The following MYOM2 variants were observed in gnomAD, a reference collection of about 807,000 sequenced individuals.
MYOM2 encodes the protein myomesin-2.
A neutral mutation model predicts 187.6 loss-of-function variants in MYOM2; 254 were observed. The ratio of observed to expected loss-of-function variants is 1.35; its 90% CI spans 1.22 to 1.50. MYOM2 has a LOEUF of 1.50. MYOM2 is among the 40% of genes most tolerant of loss of function. The probability of loss-of-function intolerance (pLI) is 0.00; values close to 1 mark genes in which losing one functional copy is unlikely to be tolerated. For synonymous variants in MYOM2, 981 were observed against 753.8 expected, an observed-to-expected ratio of 1.30 and a Z score of -4.94; for missense variants, 2,796 against 1,924.0, an observed-to-expected ratio of 1.45 and a Z score of -8.48.
chr8:2,066,463 T>C (rs1326371428), intron 6 of MYOM2, among the ~76,000 whole-genome samples: 4 of 152,198 alleles, frequency 2.6e-5, no homozygotes, highest in Non-Finnish European at 5.9e-5. Context: ...GTGGGATCGT[T>C]GTAGAGGAAG....
At chr8:2,141,329 T>C (rs1798266978) in intron 34 of MYOM2, 152 bp downstream of exon 34, 4 of 594,976 alleles carry the variant, frequency 6.7e-6, no homozygotes, top group Non-Finnish European at 8.9e-6. Context: ...ATGCAGTATA[T>C]GGAGGGGTGG....
rs1020733998 is a variant in MYOM2 at position 2,116,419 on chromosome 8, C to T, written c.3385+144C>T. ...ATTAAGAGGTTAGGCTTACCAACTG[C>T]ATAGGAAAGGAACCTGCTTTATAGC... On this transcript the variant is annotated intron_variant, in intron 27 of 36. Coordinates refer to ENST00000262113, the MANE Select transcript of MYOM2 (RefSeq NM_003970.4). 15 of 736,330 alleles carry T rather than the reference C, an allele frequency of 2.0e-5. No individual in the cohort carries two copies. In the East Asian group the frequency reaches 4.3e-4, roughly 21 times the overall value. The allele number at this position is 736,330 out of a possible 1,614,324, so 45.6% of individuals were successfully genotyped here. A position where few individuals can be genotyped will look rare whatever the true frequency, so the allele number is the denominator to read the frequency against.
At chr8:2,134,419 T>A (rs7826091) in intron 32 of MYOM2, among the ~76,000 whole-genome samples, 6,732 of 152,288 alleles carry the variant, frequency 0.044, 523 homozygotes, top group African/African-American at 0.15. Flanking sequence ...GTTAAGGCAA[T>A]GTCTGCCCCG....
chr8:2,114,659 G>A (rs1051247075), intron 25 of MYOM2, among the ~76,000 whole-genome samples: 1 of 152,100 alleles, frequency 6.6e-6, no homozygotes, highest in Non-Finnish European at 1.5e-5. Flanking sequence ...TAGTAGAGTT[G>A]GAGTTTCACC....
intron 1 of MYOM2, among the ~76,000 whole-genome samples, chr8:2,048,623 G>A (rs1037974555): frequency 2.5e-4 from 38 of 152,154 alleles, no homozygotes; most frequent in Admixed American, 2.1e-3. Context: ...GGAGCTAGAA[G>A]CTACCCCAGG....
rs752271514 is a variant in MYOM2, at chr8:2,078,812, T to C, written c.1341T>C (p.Leu447=). ...VKICKYPVTG[L]FEGRSYIFRV... ...TCTGCAAATACCCGGTCACAGGGCT[T>C]TTTGAAGGAAGGTCTTACATATTCC... is the stretch of plus-strand genomic sequence containing the variant. Residue 447 remains leucine, a synonymous_variant, in exon 12 of 37, where the codon CTT becomes CTC. Coordinates refer to ENST00000262113, the MANE Select transcript of MYOM2 (RefSeq NM_003970.4). 3 of 1,614,130 alleles carry C rather than the reference T, an allele frequency of 1.9e-6. No individual in the cohort carries two copies. Among genetic ancestry groups the C allele is most frequent in the Non-Finnish European group, 1.7e-6 (2 of 1,180,024 alleles).
chr8:2,085,438 CCCACTGTCATGATCTCTGCGTGGCCCA>C (rs1819787522), intron 14 of MYOM2, 48 bp downstream of exon 14: 3 of 1,597,870 alleles, frequency 1.9e-6, no homozygotes, highest in South Asian at 2.3e-5. Context: ...TGCATGGCCC[CCCACTGTCATGATCTCTGCGTGGCCCA>C]CCGCTGTCGT....
At chr8:2,047,246 G>T (rs1166843228) in intron 1 of MYOM2, among the ~76,000 whole-genome samples, 1 of 152,156 alleles carries the variant, frequency 6.6e-6, no homozygotes, top group African/African-American at 2.4e-5. Context: ...GAGTCAGTGG[G>T]GATTTGCTTG....
intron 3 of MYOM2, among the ~76,000 whole-genome samples, chr8:2,054,377 A>G (rs765320626): frequency 1.2e-4 from 19 of 152,202 alleles, no homozygotes; most frequent in Non-Finnish European, 8.8e-5. Flanking sequence ...TCCCTCTGAC[A>G]TCTTCCTTCA....
rs1361799037 is a variant in MYOM2, at chr8:2,144,991, C to A, written c.*10C>A. 5 of 1,612,156 alleles carry A rather than the reference C, an allele frequency of 3.1e-6. No homozygotes were observed. Among genetic ancestry groups the A allele is most frequent in the Non-Finnish European group, 4.2e-6 (5 of 1,179,508 alleles). ...AGCGGCAGGCCAGTGAAGGCGTTTT[C>A]CTAGCCTGGAGATGGGAAAATATGC... is the stretch of plus-strand genomic sequence containing the variant. On this transcript the variant is annotated 3_prime_UTR_variant, in exon 37 of 37. Transcript: ENST00000262113.
In MYOM2 at chr8:2,123,611, A is replaced by G. The variant is rs1338614667; in HGVS notation, c.3624A>G (p.Gln1208=). 1.9e-6 allele frequency: 3 copies of G among 1,614,118 alleles called. No individual in the cohort carries two copies. Among genetic ancestry groups the G allele is most frequent in the Non-Finnish European group, 2.5e-6 (3 of 1,180,042 alleles). The change falls in exon 30 of 37, where the codon CAA becomes CAG. Residue 1208 remains glutamine (Q), a synonymous_variant. Transcript: ENST00000262113. ...YKATLKDDRG[Q]DVSILEIAGK... ...CAACCTTGAAAGATGACAGAGGCCA[A>G]GATGTGTCCATCCTTGAAATAGCTG...
intron 18 of MYOM2, chr8:2,098,145 G>C (rs543706495): frequency 6.6e-6 from 1 of 152,356 alleles, no homozygotes; most frequent in Middle Eastern, 3.4e-3. Context: ...TTCACAGCTA[G>C]TCCAGTGAGG....
chr8:2,115,668 T>A (rs1484814065), intron 25 of MYOM2, among the ~76,000 whole-genome samples: 2 of 152,246 alleles, frequency 1.3e-5, no homozygotes, highest in Non-Finnish European at 2.9e-5. Context: ...GTGAATTTTA[T>A]CTGCTTCACG....
At position 2,059,223 on chromosome 8, in the gene MYOM2, G is replaced by A. The variant is rs1403533352; in HGVS notation, c.631G>A (p.Val211Ile). 19 of 1,614,038 alleles carry A rather than the reference G, an allele frequency of 1.2e-5. No homozygotes were observed. Among genetic ancestry groups the A allele is most frequent in the Non-Finnish European group, 1.4e-5 (16 of 1,180,016 alleles). Residue 211 changes from valine (V) to isoleucine (I), a missense_variant, in exon 6 of 37, where the codon GTA (valine) becomes ATA (isoleucine). Coordinates refer to ENST00000262113, the MANE Select transcript of MYOM2 (RefSeq NM_003970.4). ...GKYRIESNYG[V>I]HTLEINRADF... ...GTACAGGATTGAGAGCAACTATGGC[G>A]TACACACACTGGAGATCAACAGGTA...
intron 8 of MYOM2, among the ~76,000 whole-genome samples, chr8:2,070,479 G>T: frequency 6.6e-6 from 1 of 152,174 alleles, no homozygotes; most frequent in Non-Finnish European, 1.5e-5. Flanking sequence ...TCAGTCCAAA[G>T]TGAGCCTGGG....
Position 2,108,819 on chromosome 8 carries a change from T to A in MYOM2, c.3032T>A (p.Ile1011Lys). Residue 1011 changes from isoleucine to lysine, a missense_variant, in exon 24 of 37, where the codon ATA (isoleucine) becomes AAA (lysine). Coordinates refer to ENST00000262113, the MANE Select transcript of MYOM2 (RefSeq NM_003970.4). ...LERLMALSNE[I>K]KNPTIPLKSE... ...CGTTTGATGGCATTGAGCAATGAAA[T>A]AAAGAACCCCAGTAAGTAAGCCTCC... The A allele has an allele frequency of 6.2e-7, 1 of 1,613,910 alleles. No individual in the cohort carries two copies. Among genetic ancestry groups the A allele is most frequent in the Non-Finnish European group, 8.5e-7 (1 of 1,179,954 alleles).
intron 6 of MYOM2, among the ~76,000 whole-genome samples, chr8:2,063,439 TA>T (rs66538037): frequency 0.019 from 2,888 of 152,350 alleles, 41 homozygotes; most frequent in Middle Eastern, 0.037. Flanking sequence ...GACACTGTTT[TA>T]TATGCTCATA....
intron 25 of MYOM2, among the ~76,000 whole-genome samples, chr8:2,113,523 G>A (rs1349194789): frequency 1.3e-5 from 2 of 152,152 alleles, no homozygotes; most frequent in African/African-American, 4.8e-5. Flanking sequence ...GGTCAAAGAG[G>A]GTGGTGCAGG....
chr8:2,127,867 GTTTATTTA>G (rs1478080799), intron 31 of MYOM2: 1 of 152,984 alleles, frequency 6.5e-6, no homozygotes, highest in Non-Finnish European at 1.5e-5. Context: ...GGGGGCCTTT[GTTTATTTA>G]TTTTTGGTTG....
Sources: gnomAD v4.1 joint callset for allele counts (sites outside exome capture counted in the v4.1 genomes callset) on GRCh38, gnomAD v4.1.1 for gene constraint, MANE v1.5 for transcripts, NCBI Gene and HGNC (gene_info 2026-07-23, HGNC 2026-07-21) for gene names.